PLEC: variants seen among roughly 807,000 people sequenced by gnomAD.
PLEC encodes the protein hemidesmosomal protein 1.
A neutral mutation model predicts 392.8 loss-of-function variants in PLEC; 216 were observed. That is an observed-to-expected ratio of 0.55 (90% CI 0.49 to 0.62). The LOEUF is 0.62. Ranked by LOEUF, PLEC falls within the 20% of genes least tolerant of loss-of-function variation. PLEC has a pLI of 0.00. For missense variants in PLEC, 6,863 were observed against 6,563.4 expected, an observed-to-expected ratio of 1.05 and a Z score of -1.58; for synonymous variants, 3,621 against 2,980.6, an observed-to-expected ratio of 1.21 and a Z score of -7.00.
At position 143,922,005 on chromosome 8, in the gene PLEC, G is replaced by A. The variant is rs782607134; in HGVS notation, c.7816C>T (p.Arg2606Trp). 4.0e-5 allele frequency: 64 copies of A among 1,598,006 alleles called. No individual in the cohort carries two copies. The highest frequency in any genetic ancestry group is 1.7e-4 in the Middle Eastern group (1 of 5,932). Residue 2606 changes from arginine (R) to tryptophan (W), a missense_variant, in exon 32 of 32, where the codon CGG becomes TGG. Arg to Trp is a moderately radical substitution (Grantham distance 101, BLOSUM62 -3). Transcript: ENST00000345136. ...EQLQLLEEQH[R>W]AALAHSEEVT... ...TCCTCTGAGTGCGCCAGCGCGGCCC[G>A]GTGCTGCTCCTCCAGGAGCTGCAGC...
chr8:143,959,771 C>T (rs919249708), intron 1 of PLEC, among the ~76,000 whole-genome samples: 6 of 152,084 alleles, frequency 3.9e-5, no homozygotes, highest in Non-Finnish European at 8.8e-5. Flanking sequence ...CCAAGGCGGG[C>T]AGATCACGAG....
At chr8:143,960,949 G>C (rs1418549630) in intron 1 of PLEC, among the ~76,000 whole-genome samples, 2 of 152,204 alleles carry the variant, frequency 1.3e-5, no homozygotes, top group Non-Finnish European at 2.9e-5. Flanking sequence ...ACAGCTGGAG[G>C]CCTCCCGCTC....
In PLEC at chr8:143,921,711, T is replaced by C; in HGVS notation, c.8110A>G (p.Lys2704Glu). The C allele has an allele frequency of 6.2e-7, 1 of 1,612,986 alleles. No individual in the cohort carries two copies. Residue 2704 changes from lysine to glutamate, a missense_variant, in exon 32 of 32, where the codon AAG becomes GAG. Lys to Glu is a moderately conservative substitution (Grantham distance 56). Transcript: ENST00000345136. ...GRSSIAGLLL[K>E]ATNEKLSVYA... Reference sequence around the variant, plus strand: ...ACACTCAGCTTCTCATTGGTGGCCTTCAGCAACAGCCCTGCGATACTGCTG... The same window carrying C: ...ACACTCAGCTTCTCATTGGTGGCCTCCAGCAACAGCCCTGCGATACTGCTG...
rs3135103 is a variant in PLEC at position 143,932,824 on chromosome 8, C to T, written c.1706G>A (p.Arg569Gln). The change falls in exon 14 of 32, where the codon CGG becomes CAG. Residue 569 changes from arginine (R) to glutamine (Q), a missense_variant. Physicochemically the swap from Arg to Gln is conservative, Grantham distance 43 (BLOSUM62 1). Coordinates refer to ENST00000345136, the MANE Select transcript of PLEC (RefSeq NM_201384.3). ...RGLHQSIEEF[R>Q]AKIERARSDE... Reference sequence around the variant, plus strand: ...ACTCCGTGCCCGCTCGATCTTGGCCCGGAATTCTTCGATGGACTGGTGCAG... The same window carrying T: ...ACTCCGTGCCCGCTCGATCTTGGCCTGGAATTCTTCGATGGACTGGTGCAG... 0.018 allele frequency: 28,410 copies of T among 1,612,510 alleles called. 317 individuals carry two copies. Among genetic ancestry groups the T allele is most frequent in the Non-Finnish European group, 0.021 (24,321 of 1,179,872 alleles).
In PLEC at chr8:143,971,374, C is replaced by T. The variant is rs571537594; in HGVS notation, c.70+2029G>A. Among the ~76,000 whole-genome samples, 5 of 152,246 alleles carry T rather than the reference C, an allele frequency of 3.3e-5. 1 individual carries two copies. The highest frequency in any genetic ancestry group is 1.3e-4 in the Admixed American group (2 of 15,310). ...GAGCTGGGCCCAGGACAGGGGCCCG[C>T]AGCTGCTTACCATGGAGGGATTTGG... On this transcript the variant is annotated intron_variant, in intron 1 of 31. Transcript: ENST00000356346.
chr8:143,927,065 A>C lies in PLEC; in HGVS notation c.3857T>G (p.Leu1286Arg). 1 of 1,611,348 alleles carries C rather than the reference A, an allele frequency of 6.2e-7. No individual in the cohort carries two copies. Among genetic ancestry groups the C allele is most frequent in the Non-Finnish European group, 8.5e-7 (1 of 1,179,912 alleles). The change falls in exon 29 of 32, where the codon CTG (leucine) becomes CGG (arginine). Residue 1286 changes from leucine (L) to arginine (R), a missense_variant. Transcript: ENST00000345136. ...CTCAAGCTGCGCCTTGTACGTCACC[A>C]GCTGGAGTTCATAGTCCTGTGGCAA... ...INAIKDYELQLVTYKAQLEPV... is the reference protein window; with the variant it reads ...INAIKDYELQRVTYKAQLEPV...
chr8:143,927,991 G>C lies in PLEC; in HGVS notation c.3262C>G (p.Leu1088Val), dbSNP rs782370585. The change falls in exon 26 of 32, where the codon CTC becomes GTC. Residue 1088 changes from leucine to valine, a missense_variant and splice_region_variant. Transcript: ENST00000345136. Reference protein sequence around the residue: ...RSLSAIYLEKLKTISLVIRGT... With the variant: ...RSLSAIYLEKVKTISLVIRGT... ...CGGATCACCAGGCTGATGGTCTTGA[G>C]CCTGGCGGGAAAGCGGGGCTCAGGG... The C allele has an allele frequency of 1.6e-5, 26 of 1,593,156 alleles. No individual in the cohort carries two copies. The highest frequency in any genetic ancestry group is 2.1e-5 in the Non-Finnish European group (25 of 1,165,470).
At position 143,939,472 on chromosome 8, in the gene PLEC, C is replaced by G. The variant is rs1554726803; in HGVS notation, c.-11G>C. On this transcript the variant is annotated 5_prime_UTR_variant, in exon 1 of 32. Transcript: ENST00000345136. ...CTGGTGCTGAGACATGCTGCCCCCA[C>G]ACCTTCGTCGCCCGGACCCTCGGCC... 6.2e-7 allele frequency: 1 copy of G among 1,607,942 alleles called. No homozygotes were observed. The highest frequency in any genetic ancestry group is 8.5e-7 in the Non-Finnish European group (1 of 1,178,176).
At position 143,944,830 on chromosome 8, in the gene PLEC, G is replaced by C. The variant is rs1831202236; in HGVS notation, c.523+5354C>G. 4 of 596,774 alleles carry C rather than the reference G, an allele frequency of 6.7e-6. No homozygotes were observed. The Admixed American group carries it at 1.7e-4, about 26-fold the overall frequency. The allele number at this position is 596,774 out of a possible 1,614,324, so 37.0% of individuals were successfully genotyped here. A position where few individuals can be genotyped will look rare whatever the true frequency, so the allele number is the denominator to read the frequency against. The stretch of plus-strand genomic sequence containing the variant: ...TTGTGGGGGAGGGGAGCAGTGGGCA[G>C]GGGCCCAGGGGATATAAATATCCGA... On this transcript the variant is annotated intron_variant, in intron 1 of 31. Coordinates refer to the PLEC transcript ENST00000322810.
Position 143,924,386 on chromosome 8 carries a change from A to G in PLEC, c.5543T>C (p.Leu1848Pro). 1 of 1,595,786 alleles carries G rather than the reference A, an allele frequency of 6.3e-7. No individual in the cohort carries two copies. The highest frequency in any genetic ancestry group is 8.5e-7 in the Non-Finnish European group (1 of 1,178,304). ...KLAAIGEATR[L>P]KTEAEIALKE... is the part of the protein sequence containing the mutation. Reference sequence around the variant, plus strand: ...GAGCGCGATCTCCGCCTCCGTCTTGAGCCGCGTGGCCTCGCCGATGGCGGC... The same window carrying G: ...GAGCGCGATCTCCGCCTCCGTCTTGGGCCGCGTGGCCTCGCCGATGGCGGC... Residue 1848 changes from leucine (L) to proline (P), a missense_variant, in exon 31 of 32, where the codon CTC (leucine) becomes CCC (proline). Leu to Pro is a moderately conservative substitution (Grantham distance 98). Transcript: ENST00000345136.
rs1828623358 is a variant in PLEC, at chr8:143,935,036, T to C, written c.800A>G (p.Asp267Gly). The C allele has an allele frequency of 1.9e-6, 3 of 1,612,506 alleles. No individual in the cohort carries two copies. Among genetic ancestry groups the C allele is most frequent in the Non-Finnish European group, 2.5e-6 (3 of 1,179,874 alleles). ...SLYDAMPRVP[D>G]VQDGVRANEL... ...GTTGGCCCTCACCCCATCCTGCACG[T>C]CCGGCACGCGGGGCATGGCGTCATA... Residue 267 changes from aspartate to glycine, a missense_variant, in exon 8 of 32, where the codon GAC becomes GGC. Coordinates refer to ENST00000345136, the MANE Select transcript of PLEC (RefSeq NM_201384.3).
At chr8:143,953,690 G>A (rs781932786), upstream of PLEC, 40 of 1,599,338 alleles carry the variant, frequency 2.5e-5, no homozygotes, top group Non-Finnish European at 3.2e-5. Context: ...TGTGTGGTCC[G>A]CGCCCCCCGG....
upstream of PLEC, among the ~76,000 whole-genome samples, chr8:143,974,385 T>C (rs782145702): frequency 2.0e-4 from 30 of 152,246 alleles, no homozygotes; most frequent in African/African-American, 6.8e-4. The surrounding 1 kb of genome is among the most constrained non-coding windows in gnomAD (Gnocchi z 5.9). Context: ...AGTGACTTCT[T>C]TCTTTAAAGT....
At chr8:143,928,078 G>A (rs1259880120) in intron 25 of PLEC, 86 bp from the exon 26 acceptor site, 10 of 1,486,608 alleles carry the variant, frequency 6.7e-6, no homozygotes, top group Admixed American at 4.3e-5. Context: ...GCGACCCAGG[G>A]TGCTGCCTGC....
intron 1 of PLEC, among the ~76,000 whole-genome samples, chr8:143,966,084 A>G (rs1272471398): frequency 6.6e-6 from 1 of 151,742 alleles, no homozygotes; most frequent in African/African-American, 2.4e-5. Context: ...ATCCGACGAC[A>G]CCCCAAGCAG....
Position 143,924,112 on chromosome 8 carries a change from A to G in PLEC, c.5817T>C (p.Ala1939=), listed in dbSNP as rs781869010. The G allele has an allele frequency of 7.5e-6, 12 of 1,598,096 alleles. No homozygotes were observed. Among genetic ancestry groups the G allele is most frequent in the Non-Finnish European group, 9.3e-6 (11 of 1,179,264 alleles). ...ALKASFEKAA[A]GKAELELELG... ...GCTCCAGCTCCAGCTCCGCCTTGCC[A>G]GCGGCCGCCTTCTCGAAGCTCGCCT... The change falls in exon 31 of 32, where the codon GCT becomes GCC. Residue 1939 remains alanine (A), a synonymous_variant. Coordinates refer to ENST00000345136, the MANE Select transcript of PLEC (RefSeq NM_201384.3).
Position 143,916,466 on chromosome 8 carries a change from C to A in PLEC, c.13355G>T (p.Arg4452Leu). 1.2e-6 allele frequency: 2 copies of A among 1,611,882 alleles called. No individual in the cohort carries two copies. Among genetic ancestry groups the A allele is most frequent in the Non-Finnish European group, 1.7e-6 (2 of 1,179,492 alleles). The change falls in exon 32 of 32, where the codon CGC becomes CTC. Residue 4452 changes from arginine to leucine, a missense_variant. Physicochemically the swap from Arg to Leu is moderately radical, Grantham distance 102 (BLOSUM62 -2). Transcript: ENST00000345136. Reference protein sequence around the residue: ...LKISYKDALDRSMVEEGTGLR... With the variant: ...LKISYKDALDLSMVEEGTGLR... Reference sequence around the variant, plus strand: ...CCCCGTGCCCTCCTCCACCATGCTGCGGTCCAGCGCGTCCTTATAGGAGAT... The same window carrying A: ...CCCCGTGCCCTCCTCCACCATGCTGAGGTCCAGCGCGTCCTTATAGGAGAT...
At chr8:143,953,448 CCCGCCG>C (rs1174485406), upstream of PLEC, among the ~76,000 whole-genome samples, 589 of 151,076 alleles carry the variant, frequency 3.9e-3, 5 homozygotes, top group African/African-American at 0.013. Flanking sequence ...CTGTCCCCGC[CCCGCCG>C]CCGCCGCCGC....
chr8:143,925,709 G>A lies in PLEC; in HGVS notation c.4220C>T (p.Ala1407Val), dbSNP rs548430154. The A allele has an allele frequency of 6.0e-5, 96 of 1,591,806 alleles. No individual in the cohort carries two copies. The highest frequency in any genetic ancestry group is 5.0e-4 in the Middle Eastern group (3 of 6,008). The change falls in exon 31 of 32, where the codon GCG (alanine) becomes GTG (valine). Residue 1407 changes from alanine to valine, a missense_variant. Ala to Val is a moderately conservative substitution (Grantham distance 64). Coordinates refer to ENST00000345136, the MANE Select transcript of PLEC (RefSeq NM_201384.3). ...CTTCTGCTGCTGCGCGTCCACCGCCGCCTCCTCCCGCCGCACCACCTCCTC... is the reference window on the plus strand; with the variant it reads ...CTTCTGCTGCTGCGCGTCCACCGCCACCTCCTCCCGCCGCACCACCTCCTC... ...MQEEVVRREEAAVDAQQQKRS... is the reference protein window; with the variant it reads ...MQEEVVRREEVAVDAQQQKRS...
Sources: gnomAD v4.1 joint callset for allele counts (sites outside exome capture counted in the v4.1 genomes callset) on GRCh38, gnomAD v4.1.1 for gene constraint, Gnocchi (gnomAD v3.1) non-coding constraint, MANE v1.5 for transcripts, NCBI Gene and HGNC (gene_info 2026-07-23, HGNC 2026-07-21) for gene names.